SH3GL2: variants seen among roughly 807,000 people sequenced by gnomAD.
The protein encoded by SH3GL2 is endophilin-A1.
A neutral mutation model predicts 46.0 loss-of-function variants in SH3GL2; 24 were observed. That is an observed-to-expected ratio of 0.52 (90% confidence interval 0.38 to 0.73). The LOEUF is 0.73. SH3GL2 is among the 30% of genes least tolerant of loss of function. The probability of loss-of-function intolerance (pLI) is 0.00; values close to 1 mark genes in which losing one functional copy is unlikely to be tolerated. For synonymous variants in SH3GL2, 196 were observed against 147.1 expected, an observed-to-expected ratio of 1.33 and a Z score of -2.40; for missense variants, 413 against 424.2, an observed-to-expected ratio of 0.97 and a Z score of 0.23.
At chr9:17,761,249 A>G (rs1823161715) in intron 2 of SH3GL2, among the ~76,000 whole-genome samples, 188 bp from the exon 3 acceptor site, 1 of 152,202 alleles carries the variant, frequency 6.6e-6, no homozygotes, top group African/African-American at 2.4e-5. Context: ...GGCTTTCCAC[A>G]TCTTGGCAGA....
chr9:17,778,986 G>C (rs79513255), intron 3 of SH3GL2, among the ~76,000 whole-genome samples: 5,453 of 152,146 alleles, frequency 0.036, 186 homozygotes, highest in African/African-American at 0.09. Flanking sequence ...TCCTAGTACA[G>C]TCAAGTAGGT....
intron 3 of SH3GL2, among the ~76,000 whole-genome samples, chr9:17,769,619 T>C (rs1823414393): frequency 6.6e-6 from 1 of 152,180 alleles, no homozygotes; most frequent in Non-Finnish European, 1.5e-5. Flanking sequence ...TTCAGTCAGA[T>C]GCCGTCTCCC....
chr9:17,685,698 A>T (rs1382766260), intron 1 of SH3GL2, among the ~76,000 whole-genome samples: 1 of 152,076 alleles, frequency 6.6e-6, no homozygotes, highest in East Asian at 1.9e-4. Context: ...CATTTATTAA[A>T]CAGGGAATCC....
At chr9:17,677,177 T>G (rs1236252222) in intron 1 of SH3GL2, among the ~76,000 whole-genome samples, 17 of 152,226 alleles carry the variant, frequency 1.1e-4, no homozygotes, top group African/African-American at 4.1e-4. Context: ...AAAAACATTT[T>G]TTTTTCCTGA....
intron 1 of SH3GL2, among the ~76,000 whole-genome samples, chr9:17,665,811 T>G (rs1398930151): frequency 1.3e-5 from 2 of 150,952 alleles, no homozygotes; most frequent in Non-Finnish European, 3.0e-5. Context: ...CTTTTAGGTC[T>G]TCTTGGAGAT....
At chr9:17,613,949 T>C (rs1036744647) in intron 1 of SH3GL2, among the ~76,000 whole-genome samples, 3 of 152,162 alleles carry the variant, frequency 2.0e-5, no homozygotes, top group African/African-American at 7.2e-5. Flanking sequence ...ATGACGACAA[T>C]ACTGGAGATC....
intron 3 of SH3GL2, among the ~76,000 whole-genome samples, chr9:17,783,101 C>G (rs1823859207): frequency 6.6e-6 from 1 of 152,062 alleles, no homozygotes; most frequent in Non-Finnish European, 1.5e-5. Flanking sequence ...TATCCAGTGC[C>G]TGTTGTGTTG....
At chr9:17,682,705 A>G (rs149592012) in intron 1 of SH3GL2, among the ~76,000 whole-genome samples, 148 of 151,990 alleles carry the variant, frequency 9.7e-4, no homozygotes, top group African/African-American at 3.5e-3. Flanking sequence ...AAAGGAAAAC[A>G]TGGGCTTAAA....
chr9:17,586,792 A>G (rs758046569), intron 1 of SH3GL2, among the ~76,000 whole-genome samples: 9 of 152,208 alleles, frequency 5.9e-5, no homozygotes, highest in African/African-American at 9.6e-5. Flanking sequence ...GGTCCCTCCC[A>G]TGACACATGG....
intron 1 of SH3GL2, among the ~76,000 whole-genome samples, chr9:17,625,799 T>G (rs1015406252): frequency 1.3e-5 from 2 of 152,196 alleles, no homozygotes; most frequent in East Asian, 1.9e-4. Context: ...GTTTCCTGTC[T>G]GAAGCTTCAC....
intron 3 of SH3GL2, among the ~76,000 whole-genome samples, 174 bp from the exon 4 acceptor site, chr9:17,786,207 A>G (rs956475320): frequency 2.6e-5 from 4 of 152,158 alleles, no homozygotes; most frequent in Admixed American, 1.3e-4. Context: ...TTAGTGCTTT[A>G]AAAAAGTGGT....
chr9:17,653,268 CTT>C (rs1006779558), intron 1 of SH3GL2, among the ~76,000 whole-genome samples: 1 of 152,092 alleles, frequency 6.6e-6, no homozygotes, highest in African/African-American at 2.4e-5. Flanking sequence ...AGTGGAAACT[CTT>C]TAAATCAGAT....
intron 3 of SH3GL2, among the ~76,000 whole-genome samples, chr9:17,775,844 T>C (rs1423433705): frequency 6.6e-6 from 1 of 152,110 alleles, no homozygotes; most frequent in South Asian, 2.1e-4. Flanking sequence ...TCTGCCCAAG[T>C]GCATCAGCTG....
intron 1 of SH3GL2, among the ~76,000 whole-genome samples, chr9:17,585,458 G>A (rs941455500): frequency 1.3e-5 from 2 of 152,046 alleles, no homozygotes; most frequent in Non-Finnish European, 2.9e-5. Flanking sequence ...AATGTTCAGT[G>A]AGGTGTAGCC....
intron 1 of SH3GL2, among the ~76,000 whole-genome samples, chr9:17,667,654 C>CT (rs920648355): frequency 5.3e-5 from 8 of 151,770 alleles, no homozygotes; most frequent in African/African-American, 1.7e-4. Flanking sequence ...ACAAAATTTT[C>CT]TTTTTTTTGC....
chr9:17,623,043 TCCCC>T (rs1563786586), intron 1 of SH3GL2, among the ~76,000 whole-genome samples: 57 of 61,598 alleles, frequency 9.3e-4, no homozygotes, highest in African/African-American at 3.1e-3. Context: ...TTCCTTTCCT[TCCCC>T]TTCCCCTTCC....
intron 1 of SH3GL2, among the ~76,000 whole-genome samples, chr9:17,649,312 C>A (rs1445451176): frequency 6.6e-6 from 1 of 152,194 alleles, no homozygotes; most frequent in Non-Finnish European, 1.5e-5. Flanking sequence ...AGCGAACCAC[C>A]TGCCTTGGCC....
chr9:17,728,478 G>A (rs59901800), intron 1 of SH3GL2, among the ~76,000 whole-genome samples: 1 of 151,836 alleles, frequency 6.6e-6, no homozygotes, highest in African/African-American at 2.4e-5. Flanking sequence ...ATGTATGTAT[G>A]TATTTATTTT....
chr9:17,590,842 A>T (rs192423781), intron 1 of SH3GL2: 1 of 152,008 alleles, frequency 6.6e-6, no homozygotes, highest in Non-Finnish European at 1.5e-5. Flanking sequence ...AATCACTGCA[A>T]CCTCCTCCTC....
Sources: allele counts gnomAD v4.1 joint callset (sites outside exome capture counted in the v4.1 genomes callset), GRCh38; gene constraint gnomAD v4.1.1; transcripts MANE v1.5; gene names NCBI Gene and HGNC (gene_info 2026-07-23, HGNC 2026-07-21).